The following SYT16 variants were observed in gnomAD, a reference collection of about 807,000 sequenced individuals.
The protein encoded by SYT16 is synaptotagmin-16.
A neutral mutation model predicts 61.4 loss-of-function variants in SYT16; 42 were observed. The observed-to-expected ratio is 0.68, with a 90% confidence interval of 0.53 to 0.89. The LOEUF is 0.89. SYT16 is among the 40% of genes least tolerant of loss of function. SYT16 has a pLI of 0.00. For missense variants in SYT16, 804 were observed against 807.3 expected, an observed-to-expected ratio of 1.00 and a Z score of 0.05; for synonymous variants, 314 against 302.3, an observed-to-expected ratio of 1.04 and a Z score of -0.40.
chr14:61,884,122 A>G (rs2047803948), intron 1 of SYT16, among the ~76,000 whole-genome samples: 1 of 152,198 alleles, frequency 6.6e-6, no homozygotes, highest in Non-Finnish European at 1.5e-5. Context: ...ATCCTCTACA[A>G]CTACACACCC....
At chr14:61,992,774 G>T (rs1349221923) in intron 2 of SYT16, among the ~76,000 whole-genome samples, 1 of 152,120 alleles carries the variant, frequency 6.6e-6, no homozygotes, top group East Asian at 1.9e-4. Context: ...GAAGCGAGTG[G>T]ATTGTAAACA....
At chr14:62,003,463 C>A (rs936531319) in intron 3 of SYT16, among the ~76,000 whole-genome samples, 1 of 151,828 alleles carries the variant, frequency 6.6e-6, no homozygotes, top group East Asian at 1.9e-4. Context: ...GTATCTGCCC[C>A]TTGCCAGCAA....
rs577160409 is a variant in SYT16, at chr14:61,935,307, G to A, written c.-324-34825G>A. ...TCCCATTAATTTCTCCTACGCAGAT[G>A]CCCACACTGTCCTCATTCTGGCCCT... On this transcript the variant is annotated intron_variant, in intron 1 of 7. Transcript: ENST00000683842. Among the ~76,000 whole-genome samples the A allele has an allele frequency of 1.0e-3, 158 of 152,284 alleles. 1 individual carries two copies. The highest frequency in any genetic ancestry group is 5.8e-3 in the South Asian group (28 of 4,820).
chr14:61,866,906 T>A (rs1169880460), intron 1 of SYT16, among the ~76,000 whole-genome samples: 1 of 152,088 alleles, frequency 6.6e-6, no homozygotes, highest in African/African-American at 2.4e-5. Flanking sequence ...CATTTAGATC[T>A]GTGATGCATT....
At chr14:62,035,220 C>A (rs558288473) in intron 3 of SYT16, among the ~76,000 whole-genome samples, 1 of 152,296 alleles carries the variant, frequency 6.6e-6, no homozygotes, top group East Asian at 1.9e-4. Context: ...TGGATCATGA[C>A]CAGTTTTAGC....
At chr14:61,999,883 T>C (rs530250287) in intron 3 of SYT16, among the ~76,000 whole-genome samples, 77 of 151,942 alleles carry the variant, frequency 5.1e-4, no homozygotes, top group African/African-American at 1.7e-3. Flanking sequence ...GTTGTTGATT[T>C]CTAGTTTTAT....
intron 1 of SYT16, among the ~76,000 whole-genome samples, chr14:61,884,323 T>C (rs1347984531): frequency 6.6e-6 from 1 of 152,184 alleles, no homozygotes; most frequent in Non-Finnish European, 1.5e-5. Flanking sequence ...AAGAAAACTC[T>C]TCAGGCTTCC....
intron 3 of SYT16, among the ~76,000 whole-genome samples, chr14:61,999,409 T>G (rs1196996237): frequency 2.0e-5 from 3 of 151,794 alleles, no homozygotes; most frequent in Non-Finnish European, 4.4e-5. Context: ...ACATAGTAGT[T>G]AATTACTACT....
chr14:62,065,837 C>G (rs543044744), intron 3 of SYT16, among the ~76,000 whole-genome samples: 1 of 152,262 alleles, frequency 6.6e-6, no homozygotes, highest in African/African-American at 2.4e-5. Flanking sequence ...GTGCTATGCC[C>G]AGCACATGGA....
intron 1 of SYT16, among the ~76,000 whole-genome samples, chr14:61,814,759 T>C (rs1193938533): frequency 2.6e-5 from 4 of 152,252 alleles, no homozygotes; most frequent in Non-Finnish European, 4.4e-5. Flanking sequence ...TTTTGTCTTT[T>C]TTCTTATTCA....
chr14:61,844,965 T>C (rs1031839422), intron 1 of SYT16, among the ~76,000 whole-genome samples: 2 of 152,056 alleles, frequency 1.3e-5, no homozygotes, highest in African/African-American at 4.8e-5. Flanking sequence ...AGGATTGGTA[T>C]TGGTTCTCCT....
intron 1 of SYT16, among the ~76,000 whole-genome samples, chr14:61,871,243 G>A (rs1020606458): frequency 6.6e-6 from 1 of 151,292 alleles, no homozygotes; most frequent in Non-Finnish European, 1.5e-5. Context: ...TAGTGACAAT[G>A]TAAATTATTC....
intron 2 of SYT16, among the ~76,000 whole-genome samples, chr14:61,977,317 A>G (rs183443136): frequency 2.6e-5 from 4 of 152,304 alleles, no homozygotes; most frequent in Admixed American, 6.5e-5. Context: ...AATTTACTGT[A>G]TTAGTCAATT....
chr14:62,109,521 T>A lies in SYT16; in HGVS notation c.*8814T>A, dbSNP rs1471492848. On this transcript the variant is annotated 3_prime_UTR_variant, in exon 8 of 8. Coordinates refer to ENST00000683842, the MANE Select transcript of SYT16 (RefSeq NM_001367656.1). ...ATCCATCAAATAAAATGTAGCAACT[T>A]CCAGTCTAGAATAAATTTCACCTAT... is the stretch of plus-strand genomic sequence containing the variant. 1 of 152,258 alleles carries A rather than the reference T, an allele frequency of 6.6e-6. No individual in the cohort carries two copies. Among genetic ancestry groups the A allele is most frequent in the East Asian group, 1.9e-4 (1 of 5,184 alleles). The allele number at this position is 152,258 out of a possible 1,614,324, so 9.4% of individuals were successfully genotyped here.
intron 1 of SYT16, among the ~76,000 whole-genome samples, chr14:61,874,768 A>T (rs974614223): frequency 5.6e-5 from 8 of 141,756 alleles, no homozygotes; most frequent in Non-Finnish European, 1.2e-4. Context: ...ATGCAGCAAG[A>T]TTTTTTTTTT....
rs78694611 is a variant in SYT16, at chr14:62,062,904, G to A, written c.524-6699G>A. On this transcript the variant is annotated intron_variant, in intron 3 of 7. Transcript: ENST00000683842. ...TCCACTGCATTGCTCCTATGTGGGTGGGAAGGAATTAATAGGCTTGGAGCT... is the reference window on the plus strand; with the variant it reads ...TCCACTGCATTGCTCCTATGTGGGTAGGAAGGAATTAATAGGCTTGGAGCT... Among the ~76,000 whole-genome samples the A allele has an allele frequency of 4.2e-3, 633 of 152,252 alleles. 5 individuals are homozygous for A. Among genetic ancestry groups the A allele is most frequent in the African/African-American group, 0.015 (604 of 41,524 alleles).
rs376289498 is a variant in SYT16, at chr14:62,084,225, G to A, written c.1464G>A (p.Ala488=). The A allele has an allele frequency of 1.1e-5, 17 of 1,613,612 alleles. No homozygotes were observed. The highest frequency in any genetic ancestry group is 9.3e-5 in the African/African-American group (7 of 74,892). The change falls in exon 7 of 8, where the codon GCG becomes GCA. Residue 488 remains alanine, a synonymous_variant. Transcript: ENST00000683842. ...SSGGSPLSPS[A]VSHSDSTSST... Reference sequence around the variant, plus strand: ...GAGGGTCTCCGCTCAGCCCATCTGCGGTTTCTCACAGTGATAGTACTTCAT... The same window carrying A: ...GAGGGTCTCCGCTCAGCCCATCTGCAGTTTCTCACAGTGATAGTACTTCAT...
At chr14:61,910,324 C>T (rs148861481) in intron 1 of SYT16, among the ~76,000 whole-genome samples, 2,451 of 150,718 alleles carry the variant, frequency 0.016, 61 homozygotes, top group African/African-American at 0.057. Flanking sequence ...CTGCAACCTC[C>T]GCCTCCCAGG....
chr14:62,075,101 T>C (rs1371380616), intron 4 of SYT16, 34 bp from the exon 5 acceptor site: 1 of 1,566,048 alleles, frequency 6.4e-7, no homozygotes, highest in Non-Finnish European at 8.7e-7. Flanking sequence ...TTAAAAATAA[T>C]GCATTTGAAA....
Sources: gnomAD v4.1 joint callset for allele counts (sites outside exome capture counted in the v4.1 genomes callset) on GRCh38, gnomAD v4.1.1 for gene constraint, MANE v1.5 for transcripts, NCBI Gene and HGNC (gene_info 2026-07-23, HGNC 2026-07-21) for gene names.